MARCHF1: variants seen among roughly 807,000 people sequenced by gnomAD.
MARCHF1 encodes E3 ubiquitin-protein ligase MARCHF1.
A neutral mutation model predicts 54.2 loss-of-function variants in MARCHF1; 40 were observed. The ratio of observed to expected loss-of-function variants is 0.74; its 90% CI spans 0.57 to 0.96. The LOEUF (loss-of-function observed/expected upper bound fraction) is 0.96, where lower values mean the gene tolerates loss of function less well. MARCHF1 is among the 40% of genes least tolerant of loss of function. The probability of loss-of-function intolerance (pLI) is 0.00; values close to 1 mark genes in which losing one functional copy is unlikely to be tolerated. For missense variants in MARCHF1, 586 were observed against 656.5 expected (o/e 0.89, Z 1.17); for synonymous variants, 236 against 236.3 (o/e 1.00, Z 0.01).
rs1413223607 is a variant in MARCHF1 at position 164,355,456 on chromosome 4, C to T, written c.-323+28414G>A. On this transcript the variant is annotated intron_variant, in intron 1 of 9. Coordinates refer to ENST00000514618, the MANE Select transcript of MARCHF1 (RefSeq NM_001394959.1). ...AACAGAACAGAGCCCTCAGAAATAACGCCGCATACCTACAAGTATCTGATC... is the reference window on the plus strand; with the variant it reads ...AACAGAACAGAGCCCTCAGAAATAATGCCGCATACCTACAAGTATCTGATC... 1.8e-3 allele frequency among the ~76,000 whole-genome samples: 226 copies of T among 128,444 alleles called. 2 individuals are homozygous for T. The highest frequency in any genetic ancestry group is 5.3e-3 in the African/African-American group (182 of 34,262). The allele number at this position is 128,444 out of a possible 152,430, so 84.3% of individuals were successfully genotyped here. A position where few individuals can be genotyped will look rare whatever the true frequency, so the allele number is the denominator to read the frequency against.
chr4:163,752,713 G>C (rs887049704), intron 4 of MARCHF1, among the ~76,000 whole-genome samples: 5 of 152,032 alleles, frequency 3.3e-5, no homozygotes, highest in African/African-American at 1.2e-4. Flanking sequence ...GTCTAAATAG[G>C]TAATCAAAGA....
At chr4:164,124,444 A>G (rs1029715291) in intron 1 of MARCHF1, among the ~76,000 whole-genome samples, 87 of 152,180 alleles carry the variant, frequency 5.7e-4, no homozygotes, top group African/African-American at 1.8e-3. Context: ...CCCAAAAGAA[A>G]GAAAATCAGC....
At chr4:164,165,291 A>G (rs909964824) in intron 1 of MARCHF1, among the ~76,000 whole-genome samples, 1 of 152,008 alleles carries the variant, frequency 6.6e-6, no homozygotes, top group Non-Finnish European at 1.5e-5. Context: ...GAATGAGGTC[A>G]TGAGGGTGGG....
chr4:164,198,392 A>C (rs1310063716), intron 1 of MARCHF1, among the ~76,000 whole-genome samples: 1 of 152,142 alleles, frequency 6.6e-6, no homozygotes, highest in Non-Finnish European at 1.5e-5. Flanking sequence ...ATGTATGTTT[A>C]TTTAGAGAGG....
chr4:164,110,151 CACACA>C (rs1755804497), intron 2 of MARCHF1, among the ~76,000 whole-genome samples: 1 of 150,912 alleles, frequency 6.6e-6, no homozygotes. Flanking sequence ...CACACACACA[CACACA>C]CAGGTAGCTA....
At chr4:163,855,228 T>C (rs1025276528) in intron 3 of MARCHF1, among the ~76,000 whole-genome samples, 18 of 152,164 alleles carry the variant, frequency 1.2e-4, no homozygotes, top group African/African-American at 3.9e-4. Context: ...AAAGATCTTT[T>C]ATTAAAAATG....
chr4:163,717,696 G>A (rs932197412), intron 4 of MARCHF1, among the ~76,000 whole-genome samples: 8 of 152,156 alleles, frequency 5.3e-5, no homozygotes, highest in African/African-American at 1.9e-4. Flanking sequence ...ATTCTAACTG[G>A]TGTGAGATGG....
At chr4:164,032,461 G>A (rs906104445) in intron 2 of MARCHF1, among the ~76,000 whole-genome samples, 9 of 152,138 alleles carry the variant, frequency 5.9e-5, no homozygotes, top group Non-Finnish European at 1.3e-4. Context: ...GCTTTCTGAT[G>A]TGGGCATTTA....
At chr4:164,324,946 C>T (rs139653931) in intron 1 of MARCHF1, among the ~76,000 whole-genome samples, 287 of 151,204 alleles carry the variant, frequency 1.9e-3, no homozygotes, top group Middle Eastern at 3.8e-3. Context: ...TAAAATGATA[C>T]GGAAGTTCAT....
At chr4:163,723,367 C>A (rs995069442) in intron 4 of MARCHF1, among the ~76,000 whole-genome samples, 4 of 152,178 alleles carry the variant, frequency 2.6e-5, no homozygotes, top group African/African-American at 4.8e-5. Context: ...TCTCTTCTGG[C>A]TTGTAGAGTT....
At chr4:163,969,920 TTAAA>T (rs2110835738) in intron 3 of MARCHF1, among the ~76,000 whole-genome samples, 1 of 152,254 alleles carries the variant, frequency 6.6e-6, no homozygotes, top group Non-Finnish European at 1.5e-5. Flanking sequence ...AAATCATTGT[TTAAA>T]TAAGCAGGAT....
intron 1 of MARCHF1, among the ~76,000 whole-genome samples, chr4:164,331,938 C>T (rs1002205662): frequency 1.3e-5 from 2 of 152,140 alleles, no homozygotes; most frequent in South Asian, 2.1e-4. Context: ...CTAGTCCCAA[C>T]GGTTTTGTTC....
intron 2 of MARCHF1, among the ~76,000 whole-genome samples, chr4:164,012,545 C>T (rs1753445742): frequency 6.6e-6 from 1 of 152,060 alleles, no homozygotes; most frequent in Non-Finnish European, 1.5e-5. Context: ...CAGCAGCAGC[C>T]AGGCAATTGT....
chr4:163,954,626 C>T lies in MARCHF1; in HGVS notation c.-39+33875G>A, dbSNP rs184316991. On this transcript the variant is annotated intron_variant, in intron 3 of 9. Transcript: ENST00000514618. ...TAGCCATGATTTTATTTATGGCTAT[C>T]TCATACTTCTTCATAAAATTTTAAA... Among the ~76,000 whole-genome samples the T allele has an allele frequency of 2.9e-3, 438 of 152,252 alleles. 2 individuals carry two copies. The highest frequency in any genetic ancestry group is 4.2e-3 in the Non-Finnish European group (284 of 68,014).
chr4:163,896,477 AAT>A (rs1296146276), intron 3 of MARCHF1, among the ~76,000 whole-genome samples: 1 of 152,212 alleles, frequency 6.6e-6, no homozygotes, highest in East Asian at 1.9e-4. Context: ...CTCAGAATCT[AAT>A]GATATTCACT....
At chr4:163,831,228 TG>T (rs1303074766) in intron 4 of MARCHF1, among the ~76,000 whole-genome samples, 1 of 152,170 alleles carries the variant, frequency 6.6e-6, no homozygotes, top group Non-Finnish European at 1.5e-5. Context: ...TTTCTCTCTT[TG>T]GAACCAAGGA....
intron 1 of MARCHF1, among the ~76,000 whole-genome samples, chr4:164,180,095 T>C (rs1393543851): frequency 6.6e-6 from 1 of 151,844 alleles, no homozygotes; most frequent in African/African-American, 2.4e-5. Context: ...ATAAAGGTCA[T>C]ATCCTTTAGT....
rs149480172 is a variant in MARCHF1, at chr4:164,281,952, C to T, written c.-323+101918G>A. On this transcript the variant is annotated intron_variant, in intron 1 of 9. Coordinates refer to ENST00000514618, the MANE Select transcript of MARCHF1 (RefSeq NM_001394959.1). Reference sequence around the variant, plus strand: ...AGGATTTTCTGGCTTTCAATCCCCACACCAGTCACATGCATCCCTCATCTG... The same window carrying T: ...AGGATTTTCTGGCTTTCAATCCCCATACCAGTCACATGCATCCCTCATCTG... 9.1e-5 allele frequency among the ~76,000 whole-genome samples: 13 copies of T among 143,020 alleles called. 1 individual carries two copies. The highest frequency in any genetic ancestry group is 2.2e-4 in the South Asian group (1 of 4,484). 93.8% of individuals were successfully genotyped at this position (143,020 alleles called of 152,430 possible).
At chr4:164,296,677 T>C (rs1734420210) in intron 1 of MARCHF1, among the ~76,000 whole-genome samples, 1 of 152,146 alleles carries the variant, frequency 6.6e-6, no homozygotes, top group Admixed American at 6.6e-5. Context: ...GCCCAAACTC[T>C]TTAATTTAAT....
Sources: gnomAD v4.1 joint callset for allele counts (sites outside exome capture counted in the v4.1 genomes callset) on GRCh38, gnomAD v4.1.1 for gene constraint, MANE v1.5 for transcripts, NCBI Gene and HGNC (gene_info 2026-07-23, HGNC 2026-07-21) for gene names.